The following RALGPS1 variants were observed in gnomAD, a reference collection of about 807,000 sequenced individuals.
RALGPS1 encodes Ral GEF with PH domain and SH3 binding motif 1.
In RALGPS1, 19 loss-of-function variants were observed where a neutral mutation model predicts 78.8. The ratio of observed to expected loss-of-function variants is 0.24; its 90% CI spans 0.17 to 0.35. The LOEUF (loss-of-function observed/expected upper bound fraction) is 0.35, where lower values mean the gene tolerates loss of function less well. RALGPS1 is among the 10% of genes least tolerant of loss of function. The pLI is 1.00. For synonymous variants in RALGPS1, 228 were observed against 256.3 expected (o/e 0.89, Z 1.06); for missense variants, 454 against 688.3 (o/e 0.66, Z 3.81).
At chr9:127,113,330 G>A (rs1262025536) in intron 8 of RALGPS1, among the ~76,000 whole-genome samples, 1 of 152,146 alleles carries the variant, frequency 6.6e-6, no homozygotes, top group African/African-American at 2.4e-5. Context: ...GCTTCTCTTT[G>A]AGCCTCAGAG....
At chr9:127,071,126 ATATATG>A (rs944685231) in intron 8 of RALGPS1, among the ~76,000 whole-genome samples, 1 of 151,496 alleles carries the variant, frequency 6.6e-6, no homozygotes, top group African/African-American at 2.4e-5. Context: ...ATATATATAT[ATATATG>A]GTTATATTTG....
chr9:127,081,229 A>ATT (rs75315707), intron 8 of RALGPS1, among the ~76,000 whole-genome samples: 4 of 151,716 alleles, frequency 2.6e-5, no homozygotes, highest in Admixed American at 6.6e-5. Flanking sequence ...ACAAAATGGC[A>ATT]TTTTTTTTTA....
At chr9:126,926,338 G>T (rs2035277821) in intron 1 of RALGPS1, among the ~76,000 whole-genome samples, 1 of 152,228 alleles carries the variant, frequency 6.6e-6, no homozygotes, top group Non-Finnish European at 1.5e-5. Flanking sequence ...AGTGTCATGG[G>T]AAGTAGAGTA....
intron 1 of RALGPS1, among the ~76,000 whole-genome samples, chr9:126,930,774 A>G (rs1222675834): frequency 1.3e-5 from 2 of 152,228 alleles, no homozygotes; most frequent in Admixed American, 6.5e-5. Flanking sequence ...AGTTTTTTAA[A>G]TGAGTGAAAT....
chr9:127,193,365 T>C (rs75246301), intron 11 of RALGPS1, among the ~76,000 whole-genome samples: 87 of 152,160 alleles, frequency 5.7e-4, no homozygotes, highest in African/African-American at 2.0e-3. Context: ...CATTTTGGAA[T>C]GTTATTGAGA....
At chr9:127,191,909 G>T (rs923425475) in intron 11 of RALGPS1, among the ~76,000 whole-genome samples, 1 of 152,170 alleles carries the variant, frequency 6.6e-6, no homozygotes, top group African/African-American at 2.4e-5. Flanking sequence ...GTGTCAGCCA[G>T]GATGGTCTTG....
intron 1 of RALGPS1, among the ~76,000 whole-genome samples, chr9:126,935,875 A>G (rs1444435413): frequency 6.6e-6 from 1 of 152,172 alleles, no homozygotes; most frequent in Admixed American, 6.5e-5. Context: ...CTGTCTGATT[A>G]GAGTTGGATT....
rs199859117 is a variant in RALGPS1, at chr9:127,178,255, AG to A, written c.910+3474del. 4.2e-4 allele frequency: 153 copies of A among 364,660 alleles called. 1 individual carries two copies. In the East Asian group the frequency reaches 1.0e-2, roughly 24 times the overall value. The allele number at this position is 364,660 out of a possible 1,614,324, so 22.6% of individuals were successfully genotyped here. ...CTTTCATTGGCCAAATCCAATAGAA[AG>A]CTGGGGGCAAGGGGTCCAGGAGATG... On this transcript the variant is annotated intron_variant, in intron 11 of 18. Transcript: ENST00000259351.
chr9:127,177,966 A>G (rs2059976776), intron 11 of RALGPS1: 1 of 1,546,880 alleles, frequency 6.5e-7, no homozygotes, highest in Non-Finnish European at 8.7e-7. Flanking sequence ...GACAGAATGG[A>G]CCCCAGATGG....
intron 4 of RALGPS1, among the ~76,000 whole-genome samples, chr9:127,004,965 T>C (rs2043695821): frequency 6.6e-6 from 1 of 152,198 alleles, no homozygotes; most frequent in African/African-American, 2.4e-5. Flanking sequence ...AATTGTTTAT[T>C]GCATTGCCAA....
chr9:127,010,176 G>A (rs2044214756), intron 4 of RALGPS1, among the ~76,000 whole-genome samples: 1 of 152,148 alleles, frequency 6.6e-6, no homozygotes, highest in African/African-American at 2.4e-5. Context: ...GTGTCATGGA[G>A]GCTAGAGGTG....
intron 1 of RALGPS1, among the ~76,000 whole-genome samples, chr9:126,956,941 G>C (rs2131949304): frequency 6.6e-6 from 1 of 152,276 alleles, no homozygotes; most frequent in African/African-American, 2.4e-5. Context: ...GCAGTGTCAG[G>C]GATGATGAAG....
At chr9:127,200,774 A>G (rs983858618) in intron 14 of RALGPS1, among the ~76,000 whole-genome samples, 2 of 151,836 alleles carry the variant, frequency 1.3e-5, no homozygotes, top group African/African-American at 4.8e-5. Context: ...CAGTCAGGGG[A>G]CTCCTGGGGA....
Position 127,212,498 on chromosome 9 carries a change from G to T in RALGPS1, c.1354-129G>T, listed in dbSNP as rs2062327346. The T allele has an allele frequency of 1.4e-6, 1 of 694,820 alleles. No individual in the cohort carries two copies. The highest frequency in any genetic ancestry group is 2.4e-6 in the Non-Finnish European group (1 of 421,186). The allele number at this position is 694,820 out of a possible 1,614,324, so 43.0% of individuals were successfully genotyped here. ...AGGTGGAAGTTGGCATTGCCAGGGGGTGGTGGAGGGCCAGGGAAGAGATGG... is the reference window on the plus strand; with the variant it reads ...AGGTGGAAGTTGGCATTGCCAGGGGTTGGTGGAGGGCCAGGGAAGAGATGG... On this transcript the variant is annotated intron_variant, in intron 15 of 18. Coordinates refer to ENST00000259351, the MANE Select transcript of RALGPS1 (RefSeq NM_014636.3). The surrounding 1 kb of genome is among the most constrained non-coding windows in gnomAD (Gnocchi z 6.0).
At chr9:127,104,929 C>T (rs2054073392) in intron 8 of RALGPS1, among the ~76,000 whole-genome samples, 1 of 152,202 alleles carries the variant, frequency 6.6e-6, no homozygotes, top group Admixed American at 6.5e-5. Flanking sequence ...GAACCTGCCC[C>T]AAGCTCTCTG....
chr9:127,058,213 T>G (rs1428600422), intron 7 of RALGPS1, among the ~76,000 whole-genome samples: 1 of 152,084 alleles, frequency 6.6e-6, no homozygotes, highest in Non-Finnish European at 1.5e-5. Flanking sequence ...GAGATGGATG[T>G]GAGAGGCAGT....
chr9:127,208,286 G>A (rs2062041417), intron 14 of RALGPS1, among the ~76,000 whole-genome samples: 1 of 152,234 alleles, frequency 6.6e-6, no homozygotes, highest in Non-Finnish European at 1.5e-5. Context: ...GGCAGCGTGA[G>A]TGCAGGTGGG....
At chr9:127,187,309 T>C (rs1035664813) in intron 11 of RALGPS1, among the ~76,000 whole-genome samples, 12 of 152,290 alleles carry the variant, frequency 7.9e-5, no homozygotes, top group Non-Finnish European at 1.8e-4. Flanking sequence ...ACTTCAGATA[T>C]GGCCACCGTG....
chr9:127,216,464 C>A (rs2062584644), intron 18 of RALGPS1, among the ~76,000 whole-genome samples: 1 of 152,150 alleles, frequency 6.6e-6, no homozygotes, highest in African/African-American at 2.4e-5. Context: ...TTGATAGGAA[C>A]CAAAACCCTG....
Sources: gnomAD v4.1 joint callset for allele counts (sites outside exome capture counted in the v4.1 genomes callset) on GRCh38, gnomAD v4.1.1 for gene constraint, Gnocchi (gnomAD v3.1) non-coding constraint, MANE v1.5 for transcripts, NCBI Gene and HGNC (gene_info 2026-07-23, HGNC 2026-07-21) for gene names.